WAPL: variants seen among roughly 807,000 people sequenced by gnomAD.
WAPL encodes wings apart-like protein homolog.
A neutral mutation model predicts 121.0 loss-of-function variants in WAPL; 5 were observed. The observed-to-expected ratio is 0.04, with a 90% CI of 0.02 to 0.09. The LOEUF is 0.09. WAPL is among the 10% of genes least tolerant of loss of function. The pLI, the probability that WAPL is intolerant of heterozygous loss-of-function variation, is 1.00. For missense variants in WAPL, 999 were observed against 1,410.8 expected (o/e 0.71, Z 4.68); for synonymous variants, 480 against 481.5 (o/e 1.00, Z 0.04).
At position 86,435,374 on chromosome 10, in the gene WAPL, A is replaced by C. The variant is rs1849293309; in HGVS notation, c.*2169T>G. On this transcript the variant is annotated 3_prime_UTR_variant, in exon 19 of 19. Transcript: ENST00000298767. ...CGTTGGCTTTTGCTCCAAAGATCAC[A>C]GCTGAGAAATACTGTATAAAATAAA... is the stretch of plus-strand genomic sequence containing the variant. 6.5e-6 allele frequency: 1 copy of C among 152,672 alleles called. No individual in the cohort carries two copies. Among genetic ancestry groups the C allele is most frequent in the African/African-American group, 2.4e-5 (1 of 41,458 alleles). The allele number at this position is 152,672 out of a possible 1,614,324, so 9.5% of individuals were successfully genotyped here. A position where few individuals can be genotyped will look rare whatever the true frequency, so the allele number is the denominator to read the frequency against.
intron 4 of WAPL, 69 bp downstream of exon 4, chr10:86,497,132 T>TA (rs1402383358): frequency 7.9e-7 from 1 of 1,271,080 alleles, no homozygotes; most frequent in Non-Finnish European, 1.1e-6. Context: ...AACTTTCAAA[T>TA]AAAAAATTAA....
intron 9 of WAPL, chr10:86,466,998 G>A (rs767028047): frequency 2.4e-4 from 79 of 327,718 alleles, no homozygotes; most frequent in Non-Finnish European, 3.9e-4. Context: ...ACTGTGCCCG[G>A]CCCCTTTTTT....
At chr10:86,465,242 G>C (rs1419550147) in intron 9 of WAPL, among the ~76,000 whole-genome samples, 1 of 152,148 alleles carries the variant, frequency 6.6e-6, no homozygotes, top group Non-Finnish European at 1.5e-5. Context: ...GCCCAGGATG[G>C]AGTGCAGTGG....
At chr10:86,452,514 C>A (rs1396447874) in intron 14 of WAPL, among the ~76,000 whole-genome samples, 1 of 151,850 alleles carries the variant, frequency 6.6e-6, no homozygotes, top group East Asian at 1.9e-4. Context: ...ATAGCTTGAA[C>A]CCAGGAGATG....
intron 4 of WAPL, among the ~76,000 whole-genome samples, chr10:86,484,981 A>G (rs921714623): frequency 6.6e-6 from 1 of 152,042 alleles, no homozygotes; most frequent in Admixed American, 6.6e-5. Context: ...ATTCCAAACT[A>G]TAAACACCCT....
chr10:86,448,419 T>C (rs1840890327), intron 15 of WAPL, among the ~76,000 whole-genome samples: 1 of 152,270 alleles, frequency 6.6e-6, no homozygotes, highest in East Asian at 1.9e-4. Flanking sequence ...CCACTGTACT[T>C]CAGCCTGGGT....
chr10:86,454,965 G>T (rs568050924), intron 12 of WAPL, among the ~76,000 whole-genome samples: 3 of 147,738 alleles, frequency 2.0e-5, no homozygotes. Context: ...CCCGGCAGCC[G>T]CCCGGTCTGG....
chr10:86,463,473 G>A (rs183106705), intron 9 of WAPL, among the ~76,000 whole-genome samples: 8 of 150,630 alleles, frequency 5.3e-5, no homozygotes, highest in Non-Finnish European at 1.0e-4. Flanking sequence ...CTTGGTTAAC[G>A]TGTGTGTGTC....
intron 4 of WAPL, among the ~76,000 whole-genome samples, chr10:86,483,736 A>C (rs1841852469): frequency 6.9e-6 from 1 of 144,760 alleles, no homozygotes; most frequent in Non-Finnish European, 1.5e-5. Flanking sequence ...TTCACTCTGG[A>C]TAGGTCTAGG....
intron 4 of WAPL, among the ~76,000 whole-genome samples, chr10:86,490,286 CTT>C (rs1842018453): frequency 6.6e-6 from 1 of 151,922 alleles, no homozygotes; most frequent in Admixed American, 6.6e-5. Flanking sequence ...TCCCATAGCT[CTT>C]TTTGTTTTAT....
chr10:86,440,760 C>T (rs576957625), intron 17 of WAPL, among the ~76,000 whole-genome samples: 3 of 151,726 alleles, frequency 2.0e-5, no homozygotes, highest in East Asian at 1.9e-4. Context: ...ATCCTGAAAT[C>T]GGCGGTACCC....
At chr10:86,496,535 A>T (rs1482478728) in intron 4 of WAPL, among the ~76,000 whole-genome samples, 1 of 152,228 alleles carries the variant, frequency 6.6e-6, no homozygotes, top group Non-Finnish European at 1.5e-5. Flanking sequence ...AGGTAAAAAC[A>T]ATCCAAGTGT....
chr10:86,460,477 A>G lies in WAPL; in HGVS notation c.2502T>C (p.His834=), dbSNP rs1437296108. 2 of 1,613,376 alleles carry G rather than the reference A, an allele frequency of 1.2e-6. No homozygotes were observed. Among genetic ancestry groups the G allele is most frequent in the Non-Finnish European group, 8.5e-7 (1 of 1,179,784 alleles). The change falls in exon 11 of 19, where the codon CAT becomes CAC. Residue 834 remains histidine (H), a synonymous_variant. Transcript: ENST00000298767. ...IVDKVKECVD[H]LSRDEDEEKL... is the part of the protein sequence containing the mutation. Reference sequence around the variant, plus strand: ...TCTCTTCATCCTCATCTCTACTTAAATGATCCACACATTCTTTTACTAGGT... The same window carrying G: ...TCTCTTCATCCTCATCTCTACTTAAGTGATCCACACATTCTTTTACTAGGT...
chr10:86,460,374 T>C (rs764852981), intron 11 of WAPL, 25 bp downstream of exon 11: 8 of 1,585,908 alleles, frequency 5.0e-6, no homozygotes, highest in Non-Finnish European at 3.5e-6. Context: ...TGAATAATTT[T>C]TGCCAAATAG....
intron 16 of WAPL, among the ~76,000 whole-genome samples, chr10:86,445,841 T>A (rs1296232737): frequency 6.6e-6 from 1 of 152,176 alleles, no homozygotes; most frequent in Non-Finnish European, 1.5e-5. Flanking sequence ...GTGTTTACCA[T>A]CTAGTACTTA....
chr10:86,445,179 T>A (rs1589491472), intron 16 of WAPL, among the ~76,000 whole-genome samples: 1 of 152,316 alleles, frequency 6.6e-6, no homozygotes, highest in East Asian at 1.9e-4. Context: ...GGTGCAGTAT[T>A]TGCATATAAG....
At chr10:86,460,546 C>A (rs769144367) in intron 10 of WAPL, 50 bp from the exon 11 acceptor site, 8 of 1,442,412 alleles carry the variant, frequency 5.5e-6, no homozygotes, top group South Asian at 1.2e-5. Context: ...CGATACTTAC[C>A]AATAGAATAC....
chr10:86,441,573 G>GAAA (rs34758995), intron 17 of WAPL, among the ~76,000 whole-genome samples: 9 of 135,594 alleles, frequency 6.6e-5, no homozygotes, highest in Admixed American at 7.3e-5. Flanking sequence ...ATGCACCTAT[G>GAAA]AAAAAAAAAA....
At chr10:86,485,459 C>T (rs1356241062) in intron 4 of WAPL, among the ~76,000 whole-genome samples, 1 of 152,128 alleles carries the variant, frequency 6.6e-6, no homozygotes, top group Non-Finnish European at 1.5e-5. Context: ...ATCACTTGAA[C>T]CCAAGAGACA....
Sources: gnomAD v4.1 joint callset for allele counts (sites outside exome capture counted in the v4.1 genomes callset) on GRCh38, gnomAD v4.1.1 for gene constraint, MANE v1.5 for transcripts, NCBI Gene and HGNC (gene_info 2026-07-23, HGNC 2026-07-21) for gene names.